CYSLTR2: variants seen among roughly 807,000 people sequenced by gnomAD.
The protein encoded by CYSLTR2 is cysteinyl leukotriene receptor 2.
For missense variants in CYSLTR2, 398 were observed against 411.9 expected (o/e 0.97, Z 0.29); for synonymous variants, 179 against 160.8 (o/e 1.11, Z -0.86).
At chr13:48,698,212 A>G (rs1954247305) in intron 4 of CYSLTR2, among the ~76,000 whole-genome samples, 1 of 152,196 alleles carries the variant, frequency 6.6e-6, no homozygotes, top group South Asian at 2.1e-4. Context: ...TCCAAGACAC[A>G]TAATTGTCAG....
chr13:48,694,530 G>A (rs1363009566), intron 3 of CYSLTR2: 1 of 152,200 alleles, frequency 6.6e-6, no homozygotes, highest in Non-Finnish European at 1.5e-5. Flanking sequence ...ACACATTGCT[G>A]ACAGTTCTCA....
At chr13:48,686,241 T>C (rs1953891276) in intron 1 of CYSLTR2, among the ~76,000 whole-genome samples, 3 of 152,226 alleles carry the variant, frequency 2.0e-5, no homozygotes, top group Admixed American at 1.3e-4. Flanking sequence ...AATTAACTAC[T>C]GCTTTACCAT....
intron 1 of CYSLTR2, among the ~76,000 whole-genome samples, chr13:48,663,228 A>C (rs374173215): frequency 5.3e-5 from 8 of 151,952 alleles, no homozygotes; most frequent in Admixed American, 5.2e-4. Context: ...GTAACATGCT[A>C]TTTTGGTTAC....
chr13:48,704,628 C>A (rs1195182167), intron 4 of CYSLTR2, among the ~76,000 whole-genome samples: 1 of 151,898 alleles, frequency 6.6e-6, no homozygotes, highest in Non-Finnish European at 1.5e-5. Flanking sequence ...TTTGCTACAT[C>A]TCACAAATTT....
chr13:48,683,119 C>T (rs12430959), intron 1 of CYSLTR2, among the ~76,000 whole-genome samples: 31,518 of 152,076 alleles, frequency 0.21, 4,040 homozygotes, highest in East Asian at 0.34. Flanking sequence ...TTTCTTTATC[C>T]AGTCTACCAT....
At position 48,710,615 on chromosome 13, in the gene CYSLTR2, A is replaced by T. The variant is rs1364335084; in HGVS notation, c.*2757A>T. 6.6e-6 allele frequency: 1 copy of T among 152,256 alleles called. No individual in the cohort carries two copies. The highest frequency in any genetic ancestry group is 1.5e-5 in the Non-Finnish European group (1 of 68,046). The allele number at this position is 152,256 out of a possible 1,614,324, so 9.4% of individuals were successfully genotyped here. On this transcript the variant is annotated 3_prime_UTR_variant, in exon 5 of 5. Coordinates refer to ENST00000682523, the MANE Select transcript of CYSLTR2 (RefSeq NM_001308476.3). Reference sequence around the variant, plus strand: ...AGTTGCTAAGATCTACAGTAAGAACAAATCCATCTGTAAAATTGTGAAGAA... The same window carrying T: ...AGTTGCTAAGATCTACAGTAAGAACTAATCCATCTGTAAAATTGTGAAGAA...
intron 1 of CYSLTR2, among the ~76,000 whole-genome samples, chr13:48,661,328 C>T (rs780577264): frequency 3.3e-5 from 5 of 152,014 alleles, no homozygotes; most frequent in East Asian, 3.9e-4. Flanking sequence ...AGAGGTAGTC[C>T]GTGAACAAAT....
chr13:48,676,750 G>C (rs566198724), intron 1 of CYSLTR2, among the ~76,000 whole-genome samples: 1 of 152,284 alleles, frequency 6.6e-6, no homozygotes, highest in East Asian at 1.9e-4. Flanking sequence ...TATAGCTCAG[G>C]TTAGAATTTA....
intron 1 of CYSLTR2, among the ~76,000 whole-genome samples, chr13:48,675,132 G>T (rs925121092): frequency 6.6e-6 from 1 of 152,194 alleles, no homozygotes; most frequent in African/African-American, 2.4e-5. Flanking sequence ...GGATCCACTT[G>T]AGGAGGCAGT....
intron 1 of CYSLTR2, among the ~76,000 whole-genome samples, chr13:48,675,161 C>T (rs1274224555): frequency 1.3e-5 from 2 of 152,178 alleles, no homozygotes; most frequent in Non-Finnish European, 2.9e-5. Context: ...TAGCAGAGGT[C>T]AAGTGCTGTG....
intron 1 of CYSLTR2, among the ~76,000 whole-genome samples, chr13:48,663,403 G>A (rs1367481313): frequency 6.6e-6 from 1 of 152,130 alleles, no homozygotes; most frequent in East Asian, 1.9e-4. Flanking sequence ...GATAGGAATT[G>A]CATTGAATCT....
intron 1 of CYSLTR2, among the ~76,000 whole-genome samples, chr13:48,687,554 T>A (rs1210419144): frequency 6.6e-6 from 1 of 152,144 alleles, no homozygotes. Context: ...ATCTATCAAT[T>A]ATCTATCATC....
At chr13:48,677,433 G>C (rs1242311241) in intron 1 of CYSLTR2, among the ~76,000 whole-genome samples, 1 of 152,110 alleles carries the variant, frequency 6.6e-6, no homozygotes, top group Non-Finnish European at 1.5e-5. Flanking sequence ...ACAGAGTTTG[G>C]TAGGAGGAAT....
At chr13:48,685,528 T>C (rs1480273732) in intron 1 of CYSLTR2, among the ~76,000 whole-genome samples, 1 of 152,182 alleles carries the variant, frequency 6.6e-6, no homozygotes, top group Non-Finnish European at 1.5e-5. Context: ...ACCCTGTTTG[T>C]GATACTTTGT....
At chr13:48,686,024 A>G (rs968036633) in intron 1 of CYSLTR2, among the ~76,000 whole-genome samples, 4 of 152,228 alleles carry the variant, frequency 2.6e-5, no homozygotes, top group Non-Finnish European at 5.9e-5. Flanking sequence ...TTTCTTTTAC[A>G]GAACATCTCA....
intron 4 of CYSLTR2, among the ~76,000 whole-genome samples, chr13:48,697,874 C>T (rs1954235535): frequency 6.6e-6 from 1 of 152,140 alleles, no homozygotes; most frequent in South Asian, 2.1e-4. Context: ...GACGCATGCA[C>T]AAGCTTCAGT....
rs537739574 is a variant in CYSLTR2 at position 48,675,868 on chromosome 13, A to G, written c.-265-15344A>G. ...GCCAAATAGCATCATCCCCCATGGC[A>G]CAGTCCCTCAAGGCTTCCCTTGGCT... is the stretch of plus-strand genomic sequence containing the variant. On this transcript the variant is annotated intron_variant, in intron 1 of 4. Coordinates refer to ENST00000682523, the MANE Select transcript of CYSLTR2 (RefSeq NM_001308476.3). Among the ~76,000 whole-genome samples, 6 of 152,274 alleles carry G rather than the reference A, an allele frequency of 3.9e-5. No homozygotes were observed. The South Asian group carries it at 1.2e-3, about 32-fold the overall frequency.
chr13:48,705,754 A>C (rs1954465568), intron 4 of CYSLTR2, among the ~76,000 whole-genome samples: 1 of 150,920 alleles, frequency 6.6e-6, no homozygotes, highest in Non-Finnish European at 1.5e-5. Context: ...TAACTATCTC[A>C]ATAATTCCTC....
chr13:48,701,046 T>G (rs946516663), intron 4 of CYSLTR2, among the ~76,000 whole-genome samples: 6 of 152,072 alleles, frequency 3.9e-5, no homozygotes, highest in Admixed American at 6.6e-5. Context: ...ATTGTGAAAA[T>G]GGCCATACTG....
Sources: allele counts gnomAD v4.1 joint callset (sites outside exome capture counted in the v4.1 genomes callset), GRCh38; gene constraint gnomAD v4.1.1; transcripts MANE v1.5; gene names NCBI Gene and HGNC (gene_info 2026-07-23, HGNC 2026-07-21).